Variants in MYO3B observed in about 807,000 individuals in gnomAD.
MYO3B encodes the protein myosin IIIB.
Under a neutral mutation model 174.6 loss-of-function variants are expected in MYO3B, and 156 were observed. The ratio of observed to expected loss-of-function variants is 0.89; its 90% CI spans 0.78 to 1.02. The LOEUF (loss-of-function observed/expected upper bound fraction) is 1.02. Ranked by LOEUF, MYO3B falls within the 50% of genes least tolerant of loss-of-function variation. MYO3B has a pLI of 0.00. For missense variants in MYO3B, 1,632 were observed against 1,639.4 expected (o/e 1.00, Z 0.08); for synonymous variants, 563 against 569.1 (o/e 0.99, Z 0.15).
intron 30 of MYO3B, among the ~76,000 whole-genome samples, chr2:170,524,118 G>C (rs1425617780): frequency 4.6e-5 from 7 of 152,176 alleles, no homozygotes; most frequent in African/African-American, 1.4e-4. Flanking sequence ...GAAGTGTTGA[G>C]ATCATTCAGA....
chr2:170,544,079 T>C, intron 32 of MYO3B, 91 bp downstream of exon 32: 3 of 1,005,210 alleles, frequency 3.0e-6, no homozygotes, highest in Non-Finnish European at 4.5e-6. Context: ...CTCAATTAGA[T>C]AGTAATATGA....
chr2:170,401,478 C>G lies in MYO3B; in HGVS notation c.1919-3C>G. 2 of 1,613,912 alleles carry G rather than the reference C, an allele frequency of 1.2e-6. No individual in the cohort carries two copies. The highest frequency in any genetic ancestry group is 1.7e-6 in the Non-Finnish European group (2 of 1,179,824). ...TCTGTGTTATCCTTACTCTTTGTTT[C>G]AGCTGCCTCTGTTCTGTGCATTAGC... On this transcript the variant is annotated splice_polypyrimidine_tract_variant and splice_region_variant and intron_variant, in intron 17 of 34. Coordinates refer to ENST00000408978, the MANE Select transcript of MYO3B (RefSeq NM_138995.5).
chr2:170,312,173 G>T (rs1247676011), intron 7 of MYO3B, among the ~76,000 whole-genome samples: 1 of 152,138 alleles, frequency 6.6e-6, no homozygotes, highest in Non-Finnish European at 1.5e-5. Flanking sequence ...TTTCTTCAAG[G>T]TTTCATCTTT....
intron 22 of MYO3B, among the ~76,000 whole-genome samples, chr2:170,436,132 C>T (rs1314095005): frequency 6.6e-6 from 1 of 152,150 alleles, no homozygotes; most frequent in Non-Finnish European, 1.5e-5. Context: ...ATATAAATTC[C>T]ATTAGATGCC....
chr2:170,216,598 C>A (rs576280376), intron 5 of MYO3B, among the ~76,000 whole-genome samples: 1 of 152,144 alleles, frequency 6.6e-6, no homozygotes, highest in Non-Finnish European at 1.5e-5. Context: ...ACATTGAGCC[C>A]CAGATAATGT....
intron 5 of MYO3B, among the ~76,000 whole-genome samples, chr2:170,216,295 T>C (rs187779696): frequency 9.8e-4 from 149 of 152,328 alleles, no homozygotes; most frequent in African/African-American, 3.5e-3. Flanking sequence ...CTGTGTGGTA[T>C]AAAAGAATAC....
At position 170,335,395 on chromosome 2, in the gene MYO3B, C is replaced by T; in HGVS notation, c.760C>T (p.Pro254Ser). Reference sequence around the variant, plus strand: ...CTGTTATTTTTTCAGAAATCCTCCACCTACTTTACTTCATCCAGAAAAATG... The same window carrying T: ...CTGTTATTTTTTCAGAAATCCTCCATCTACTTTACTTCATCCAGAAAAATG... ...TLFKIPRNPP[P>S]TLLHPEKWCE... Residue 254 changes from proline (P) to serine (S), a missense_variant, in exon 8 of 35, where the codon CCT (proline) becomes TCT (serine). Pro to Ser is a moderately conservative substitution (Grantham distance 74). Coordinates refer to ENST00000408978, the MANE Select transcript of MYO3B (RefSeq NM_138995.5). 1 of 1,610,446 alleles carries T rather than the reference C, an allele frequency of 6.2e-7. No individual in the cohort carries two copies. The highest frequency in any genetic ancestry group is 2.2e-5 in the East Asian group (1 of 44,812).
intron 7 of MYO3B, among the ~76,000 whole-genome samples, chr2:170,280,093 G>A (rs149513934): frequency 6.6e-6 from 1 of 152,158 alleles, no homozygotes; most frequent in East Asian, 1.9e-4. Context: ...CAGTGTATAA[G>A]TGTTTTGTTT....
intron 5 of MYO3B, 44 bp downstream of exon 5, chr2:170,214,872 G>A (rs1248671541): frequency 7.0e-7 from 1 of 1,418,998 alleles, no homozygotes; most frequent in East Asian, 2.3e-5. Context: ...GTGCAGTTTA[G>A]CCAAAGGGGA....
chr2:170,454,624 G>A (rs1183440831), intron 23 of MYO3B, among the ~76,000 whole-genome samples: 1 of 152,200 alleles, frequency 6.6e-6, no homozygotes, highest in Non-Finnish European at 1.5e-5. Context: ...TCAAAGGAGA[G>A]GGGCTACCGA....
intron 19 of MYO3B, among the ~76,000 whole-genome samples, chr2:170,403,785 A>C (rs1354933048): frequency 6.6e-6 from 1 of 151,532 alleles, no homozygotes; most frequent in Non-Finnish European, 1.5e-5. Context: ...TCTGTATAGC[A>C]CTCCTCTCCC....
At chr2:170,530,055 T>C (rs1171304343) in intron 30 of MYO3B, among the ~76,000 whole-genome samples, 1 of 152,200 alleles carries the variant, frequency 6.6e-6, no homozygotes, top group Admixed American at 6.5e-5. Context: ...AACTGGAGTA[T>C]TTGCCATTAA....
intron 32 of MYO3B, among the ~76,000 whole-genome samples, chr2:170,649,414 A>G (rs910548650): frequency 1.2e-5 from 1 of 80,190 alleles, no homozygotes; most frequent in African/African-American, 4.6e-5. Flanking sequence ...AAAATATTAC[A>G]TATAAAATAT....
intron 7 of MYO3B, chr2:170,333,772 C>G (rs2093928028): frequency 6.6e-6 from 1 of 152,290 alleles, no homozygotes; most frequent in African/African-American, 2.4e-5. Flanking sequence ...TTGAGACTCC[C>G]TAGATTGAGT....
chr2:170,318,356 C>T (rs887840113), intron 7 of MYO3B, among the ~76,000 whole-genome samples: 6 of 152,160 alleles, frequency 3.9e-5, no homozygotes, highest in Non-Finnish European at 7.3e-5. Context: ...TTACTACTTT[C>T]TAAATTATTC....
At chr2:170,543,446 T>A (rs949718839) in intron 31 of MYO3B, among the ~76,000 whole-genome samples, 19 of 152,146 alleles carry the variant, frequency 1.2e-4, no homozygotes, top group African/African-American at 4.1e-4. Context: ...AATGTACAGT[T>A]TTTGCCAGTA....
chr2:170,638,112 C>CACAA (rs1267418457), intron 32 of MYO3B, among the ~76,000 whole-genome samples: 1 of 151,546 alleles, frequency 6.6e-6, no homozygotes, highest in African/African-American at 2.4e-5. Flanking sequence ...CTCTCTCTCA[C>CACAA]ACACACACAC....
chr2:170,508,110 T>C (rs1172473400), intron 28 of MYO3B, among the ~76,000 whole-genome samples: 1 of 152,070 alleles, frequency 6.6e-6, no homozygotes, highest in African/African-American at 2.4e-5. Context: ...AGATGAAACT[T>C]TTGTGCAACA....
intron 32 of MYO3B, among the ~76,000 whole-genome samples, chr2:170,577,540 C>G (rs1040411878): frequency 1.3e-5 from 2 of 152,186 alleles, no homozygotes; most frequent in African/African-American, 2.4e-5. Context: ...TCTGGACTTA[C>G]GAATAAACTC....
Sources: allele counts gnomAD v4.1 joint callset (sites outside exome capture counted in the v4.1 genomes callset), GRCh38; gene constraint gnomAD v4.1.1; transcripts MANE v1.5; gene names NCBI Gene and HGNC (gene_info 2026-07-23, HGNC 2026-07-21).